Variants in ZCWPW2 observed in about 807,000 individuals in gnomAD.
The protein encoded by ZCWPW2 is zinc finger CW-type PWWP domain protein 2.
A neutral mutation model predicts 46.6 loss-of-function variants in ZCWPW2; 45 were observed. That is an observed-to-expected ratio of 0.96 (90% CI 0.76 to 1.24). The LOEUF (loss-of-function observed/expected upper bound fraction) is 1.24. ZCWPW2 is among the 50% of genes most tolerant of loss of function. The pLI is 0.00. For synonymous variants in ZCWPW2, 152 were observed against 137.1 expected (o/e 1.11, Z -0.76); for missense variants, 429 against 403.9 (o/e 1.06, Z -0.53).
intron 2 of ZCWPW2, among the ~76,000 whole-genome samples, chr3:28,408,519 A>G (rs1696256900): frequency 6.6e-6 from 1 of 152,150 alleles, no homozygotes; most frequent in African/African-American, 2.4e-5. Context: ...AATATATTCT[A>G]TAAACTAGTT....
At chr3:28,417,572 T>C (rs1297237436) in intron 3 of ZCWPW2, among the ~76,000 whole-genome samples, 1 of 150,538 alleles carries the variant, frequency 6.6e-6, no homozygotes, top group Non-Finnish European at 1.5e-5. Flanking sequence ...AAAAAGAGAA[T>C]TTTAGACCAA....
intron 1 of ZCWPW2, among the ~76,000 whole-genome samples, 186 bp downstream of exon 1, chr3:28,349,389 A>G (rs973250463): frequency 6.6e-6 from 1 of 152,180 alleles, no homozygotes; most frequent in African/African-American, 2.4e-5. Flanking sequence ...GAAGTCTGTT[A>G]GAAGCCGTTC....
chr3:28,359,975 T>C (rs1332333712), intron 1 of ZCWPW2, among the ~76,000 whole-genome samples: 1 of 152,180 alleles, frequency 6.6e-6, no homozygotes, highest in African/African-American at 2.4e-5. Flanking sequence ...GCTAACAGGA[T>C]GATATGTTTA....
chr3:28,422,955 C>T (rs776100324), intron 3 of ZCWPW2, among the ~76,000 whole-genome samples: 12 of 152,078 alleles, frequency 7.9e-5, no homozygotes, highest in Non-Finnish European at 1.5e-4. Context: ...AGGACATATG[C>T]TTTTGAATAT....
At chr3:28,517,299 G>T (rs1319333597) in intron 8 of ZCWPW2, among the ~76,000 whole-genome samples, 1 of 152,132 alleles carries the variant, frequency 6.6e-6, no homozygotes, top group Non-Finnish European at 1.5e-5. Context: ...CCAAAGACTG[G>T]GTAATTTATA....
intron 1 of ZCWPW2, among the ~76,000 whole-genome samples, chr3:28,385,241 T>C (rs1695230473): frequency 6.6e-6 from 1 of 152,060 alleles, no homozygotes; most frequent in East Asian, 1.9e-4. Flanking sequence ...GGGACAGGGG[T>C]CAATAGCTCA....
chr3:28,480,771 G>T lies in ZCWPW2; in HGVS notation c.610+1840G>T, dbSNP rs149313360. On this transcript the variant is annotated intron_variant, in intron 5 of 9. Transcript: ENST00000383768. ...TAATTTTTGTATATGGTATAAGGAAGTGGGGCAGGGTCCAGTTTCAATTTT... is the reference window on the plus strand; with the variant it reads ...TAATTTTTGTATATGGTATAAGGAATTGGGGCAGGGTCCAGTTTCAATTTT... 6.6e-3 allele frequency among the ~76,000 whole-genome samples: 1,002 copies of T among 152,022 alleles called. 9 individuals carry two copies. The highest frequency in any genetic ancestry group is 0.02 in the African/African-American group (843 of 41,460).
At position 28,498,812 on chromosome 3, in the gene ZCWPW2, C is replaced by A. The variant is rs10460986; in HGVS notation, c.657+6639C>A. Among the ~76,000 whole-genome samples, 5 of 151,762 alleles carry A rather than the reference C, an allele frequency of 3.3e-5. No homozygotes were observed. In the East Asian group the frequency reaches 7.8e-4, roughly 24 times the overall value. Reference sequence around the variant, plus strand: ...TATCCCTCCCCTAGCCAGCCACCCCCCAACAGGCCTCAGTGTGTGATGTTC... The same window carrying A: ...TATCCCTCCCCTAGCCAGCCACCCCACAACAGGCCTCAGTGTGTGATGTTC... On this transcript the variant is annotated intron_variant, in intron 6 of 9. Coordinates refer to ENST00000383768, the MANE Select transcript of ZCWPW2 (RefSeq NM_001040432.4).
intron 4 of ZCWPW2, among the ~76,000 whole-genome samples, chr3:28,441,742 G>C (rs1697767460): frequency 6.6e-6 from 1 of 152,144 alleles, no homozygotes; most frequent in Non-Finnish European, 1.5e-5. Flanking sequence ...GAATGCTGCT[G>C]TGCACAACCC....
At position 28,348,827 on chromosome 3, in the gene ZCWPW2, A is replaced by C; in HGVS notation, c.-510A>C. On this transcript the variant is annotated 5_prime_UTR_variant, in exon 1 of 10. Transcript: ENST00000383768. ...AGCCCGGGACGTTCTGGAAGGAGGG[A>C]CGAGCCGAGGCAGGAGGGGCCGGGC... The C allele has an allele frequency of 2.3e-6, 1 of 432,144 alleles. No homozygotes were observed. The highest frequency in any genetic ancestry group is 3.1e-6 in the Non-Finnish European group (1 of 324,062). The allele number at this position is 432,144 out of a possible 1,614,324, so 26.8% of individuals were successfully genotyped here.
At chr3:28,374,166 T>C (rs1462805707) in intron 1 of ZCWPW2, among the ~76,000 whole-genome samples, 1 of 152,204 alleles carries the variant, frequency 6.6e-6, no homozygotes, top group African/African-American at 2.4e-5. Flanking sequence ...TTGATTCTTG[T>C]ACATGGTGAG....
chr3:28,368,719 G>A (rs1358172496), intron 1 of ZCWPW2, among the ~76,000 whole-genome samples: 1 of 152,154 alleles, frequency 6.6e-6, no homozygotes, highest in Non-Finnish European at 1.5e-5. Context: ...TTGCTAGATT[G>A]GGGAAGTTCT....
intron 4 of ZCWPW2, among the ~76,000 whole-genome samples, chr3:28,440,576 G>A (rs1697710316): frequency 1.3e-5 from 2 of 152,154 alleles, no homozygotes; most frequent in African/African-American, 4.8e-5. Flanking sequence ...CACCTAGTTG[G>A]CATTATAATT....
chr3:28,516,607 T>C (rs1309772347), intron 8 of ZCWPW2, among the ~76,000 whole-genome samples: 1 of 152,216 alleles, frequency 6.6e-6, no homozygotes, highest in African/African-American at 2.4e-5. Flanking sequence ...CATTAAACCC[T>C]GAGGAGTTAT....
At chr3:28,444,473 A>G (rs1233048770) in intron 4 of ZCWPW2, among the ~76,000 whole-genome samples, 3 of 152,158 alleles carry the variant, frequency 2.0e-5, no homozygotes, top group East Asian at 1.9e-4. Context: ...GGAAGTTGCC[A>G]CTACAGAGTT....
chr3:28,410,118 A>G (rs923131543), intron 2 of ZCWPW2, among the ~76,000 whole-genome samples: 2 of 152,114 alleles, frequency 1.3e-5, no homozygotes, highest in Non-Finnish European at 2.9e-5. Context: ...AAAGAACATT[A>G]TTAGGGATAA....
At chr3:28,453,195 G>A (rs771071075) in intron 4 of ZCWPW2, among the ~76,000 whole-genome samples, 2 of 152,124 alleles carry the variant, frequency 1.3e-5, no homozygotes, top group Non-Finnish European at 2.9e-5. Flanking sequence ...CATGTTCTTT[G>A]CAACTGAATG....
At chr3:28,393,926 G>C (rs1393237392) in intron 2 of ZCWPW2, among the ~76,000 whole-genome samples, 2 of 151,988 alleles carry the variant, frequency 1.3e-5, no homozygotes, top group African/African-American at 4.8e-5. Flanking sequence ...AGAAGTTTTA[G>C]CCAGAGCAAT....
At chr3:28,422,211 A>G (rs1696820333) in intron 3 of ZCWPW2, among the ~76,000 whole-genome samples, 2 of 152,138 alleles carry the variant, frequency 1.3e-5, no homozygotes, top group African/African-American at 2.4e-5. Flanking sequence ...ACTTATCATT[A>G]TCAATGAAGT....
Sources: gnomAD v4.1 joint callset for allele counts (sites outside exome capture counted in the v4.1 genomes callset) on GRCh38, gnomAD v4.1.1 for gene constraint, MANE v1.5 for transcripts, NCBI Gene and HGNC (gene_info 2026-07-23, HGNC 2026-07-21) for gene names.